Variants in IQCM observed in about 807,000 individuals in gnomAD.
IQCM encodes the protein IQ domain-containing protein M.
A neutral mutation model predicts 57.6 loss-of-function variants in IQCM; 45 were observed. The ratio of observed to expected loss-of-function variants is 0.78; its 90% CI spans 0.62 to 1.00. The LOEUF is 1.00. Ranked by LOEUF, IQCM falls within the 50% of genes least tolerant of loss-of-function variation. The pLI, the probability that IQCM is intolerant of heterozygous loss-of-function variation, is 0.00. For missense variants in IQCM, 468 were observed against 511.6 expected (o/e 0.91, Z 0.82); for synonymous variants, 148 against 158.9 (o/e 0.93, Z 0.51).
At chr4:149,704,005 G>C (rs1281194188) in intron 5 of IQCM, among the ~76,000 whole-genome samples, 1 of 151,830 alleles carries the variant, frequency 6.6e-6, no homozygotes, top group African/African-American at 2.4e-5. Context: ...TTTGTGAAAA[G>C]TGTGAAAAGG....
intron 12 of IQCM, among the ~76,000 whole-genome samples, chr4:149,470,293 T>C (rs555709436): frequency 2.2e-4 from 31 of 139,540 alleles, no homozygotes; most frequent in Non-Finnish European, 4.0e-4. Context: ...ACCAAGCAAA[T>C]GGAAAAAAAA....
At chr4:149,392,004 G>A (rs895106856) in intron 13 of IQCM, among the ~76,000 whole-genome samples, 1 of 151,638 alleles carries the variant, frequency 6.6e-6, no homozygotes, top group Non-Finnish European at 1.5e-5. Flanking sequence ...TGGTTTAAGT[G>A]TTTAGGTTCT....
intron 13 of IQCM, among the ~76,000 whole-genome samples, chr4:149,426,355 A>G (rs1734460729): frequency 6.6e-6 from 1 of 152,002 alleles, no homozygotes; most frequent in African/African-American, 2.4e-5. Flanking sequence ...AACCACACTC[A>G]GCATCCAGTG....
At chr4:149,810,841 A>G (rs1774506776) in intron 2 of IQCM, among the ~76,000 whole-genome samples, 1 of 152,198 alleles carries the variant, frequency 6.6e-6, no homozygotes, top group African/African-American at 2.4e-5. Context: ...TGATCACCCT[A>G]GCTATTATAT....
chr4:149,529,879 TA>T (rs1281274673), intron 12 of IQCM, among the ~76,000 whole-genome samples: 2 of 152,190 alleles, frequency 1.3e-5, no homozygotes, highest in African/African-American at 4.8e-5. Context: ...ATATTTACAA[TA>T]AAATCCAAAG....
intron 12 of IQCM, among the ~76,000 whole-genome samples, chr4:149,494,885 T>G (rs1742491225): frequency 6.6e-6 from 1 of 152,140 alleles, no homozygotes; most frequent in South Asian, 2.1e-4. Flanking sequence ...TCTTAAAGGT[T>G]TCTTTGGCTG....
chr4:149,790,636 T>C (rs1772512288), intron 2 of IQCM, among the ~76,000 whole-genome samples: 1 of 152,196 alleles, frequency 6.6e-6, no homozygotes, highest in African/African-American at 2.4e-5. Flanking sequence ...AAAAAAACTG[T>C]AGAGTGACAC....
At chr4:149,643,801 C>T (rs1758413090) in intron 7 of IQCM, among the ~76,000 whole-genome samples, 1 of 152,180 alleles carries the variant, frequency 6.6e-6, no homozygotes, top group Non-Finnish European at 1.5e-5. Flanking sequence ...GATGCTATAA[C>T]TAGAAACTTC....
At chr4:149,446,003 A>G (rs1736465875) in intron 12 of IQCM, among the ~76,000 whole-genome samples, 1 of 151,756 alleles carries the variant, frequency 6.6e-6, no homozygotes. Context: ...ATTGTGTAGC[A>G]TTTTCCCTCA....
chr4:149,436,817 C>T (rs1735408889), intron 12 of IQCM, among the ~76,000 whole-genome samples: 1 of 152,098 alleles, frequency 6.6e-6, no homozygotes, highest in African/African-American at 2.4e-5. Context: ...TTACCCCTAC[C>T]TCACCAGGCC....
intron 13 of IQCM, among the ~76,000 whole-genome samples, chr4:149,420,142 GTAT>G (rs938027633): frequency 6.6e-6 from 1 of 152,050 alleles, no homozygotes; most frequent in African/African-American, 2.4e-5. Flanking sequence ...CCATTACTGA[GTAT>G]ATACCCAAAG....
At chr4:149,590,954 CT>C (rs1002229238) in intron 8 of IQCM, among the ~76,000 whole-genome samples, 2 of 151,958 alleles carry the variant, frequency 1.3e-5, no homozygotes, top group African/African-American at 4.8e-5. Context: ...TATCATCCTT[CT>C]TTAAAAACCT....
At chr4:149,448,388 A>G (rs1736736063) in intron 12 of IQCM, among the ~76,000 whole-genome samples, 2 of 151,664 alleles carry the variant, frequency 1.3e-5, no homozygotes, top group Admixed American at 6.6e-5. Context: ...ACAAATGCCT[A>G]TATTAGAAAA....
At chr4:149,650,940 G>C (rs542652125) in intron 7 of IQCM, among the ~76,000 whole-genome samples, 39 of 152,216 alleles carry the variant, frequency 2.6e-4, no homozygotes, top group African/African-American at 9.4e-4. Flanking sequence ...TTTGTAAATT[G>C]CGGAGGAAAA....
chr4:149,471,152 A>C (rs1560881680), intron 12 of IQCM, among the ~76,000 whole-genome samples: 1 of 152,142 alleles, frequency 6.6e-6, no homozygotes, highest in Admixed American at 6.5e-5. Flanking sequence ...GACCCAAAAA[A>C]CCCTTCAAAA....
chr4:149,405,805 T>C (rs1465495427), intron 13 of IQCM, among the ~76,000 whole-genome samples: 1 of 147,704 alleles, frequency 6.8e-6, no homozygotes, highest in Non-Finnish European at 1.5e-5. Flanking sequence ...TCAACCCTTT[T>C]TAAATTTTCA....
At chr4:149,425,906 C>A (rs887173173) in intron 13 of IQCM, among the ~76,000 whole-genome samples, 2 of 152,010 alleles carry the variant, frequency 1.3e-5, no homozygotes, top group Non-Finnish European at 2.9e-5. Flanking sequence ...TTAAATATTA[C>A]TTCAAGATCT....
chr4:149,507,395 T>G (rs1743936319), intron 12 of IQCM, among the ~76,000 whole-genome samples: 1 of 152,224 alleles, frequency 6.6e-6, no homozygotes, highest in Admixed American at 6.5e-5. Flanking sequence ...GGAGACTTTT[T>G]GAATGGCTTT....
At chr4:149,481,723 G>GTTTTTTTTTGTTTTTTTTTTTTT (rs1740903527) in intron 12 of IQCM, among the ~76,000 whole-genome samples, 2 of 9,346 alleles carry the variant, frequency 2.1e-4, no homozygotes, top group African/African-American at 6.3e-4. Context: ...TTTTTTTTTT[G>GTTTTTTTTTGTTTTTTTTTTTTT]CTTTTTGCTT....
Sources: gnomAD v4.1 joint callset for allele counts (sites outside exome capture counted in the v4.1 genomes callset) on GRCh38, gnomAD v4.1.1 for gene constraint, MANE v1.5 for transcripts, NCBI Gene and HGNC (gene_info 2026-07-23, HGNC 2026-07-21) for gene names.